ARHGAP32: variants seen among roughly 807,000 people sequenced by gnomAD.
ARHGAP32 encodes the protein Rho GTPase activating protein 32.
In ARHGAP32, 51 loss-of-function variants were observed where a neutral mutation model predicts 186.5. The observed-to-expected ratio is 0.27, with a 90% confidence interval of 0.22 to 0.35. The LOEUF (loss-of-function observed/expected upper bound fraction) is 0.35. Ranked by LOEUF, ARHGAP32 falls within the 10% of genes least tolerant of loss-of-function variation. The probability of loss-of-function intolerance (pLI) is 1.00; values close to 1 mark genes in which losing one functional copy is unlikely to be tolerated. For missense variants in ARHGAP32, 2,186 were observed against 2,623.5 expected (o/e 0.83, Z 3.64); for synonymous variants, 950 against 964.3 (o/e 0.99, Z 0.27).
intron 12 of ARHGAP32, among the ~76,000 whole-genome samples, chr11:128,991,801 C>T (rs1052227353): frequency 6.6e-6 from 1 of 152,070 alleles, no homozygotes; most frequent in African/African-American, 2.4e-5. Context: ...AAATTAAAAT[C>T]GATGATCCTT....
rs188374529 is a variant in ARHGAP32, at chr11:129,050,256, A to G, written c.964-9247T>C. ...TGTTGTTTTAACCTACATTTCTCGA[A>G]TGACTATTGATGTTGGATATCTATG... On this transcript the variant is annotated intron_variant, in intron 10 of 22. Transcript: ENST00000682385. 6.3e-3 allele frequency among the ~76,000 whole-genome samples: 961 copies of G among 152,330 alleles called. 12 individuals carry two copies. The highest frequency in any genetic ancestry group is 9.1e-3 in the Non-Finnish European group (621 of 68,026).
At chr11:129,003,505 T>G (rs1262459088) in intron 11 of ARHGAP32, among the ~76,000 whole-genome samples, 2 of 152,326 alleles carry the variant, frequency 1.3e-5, no homozygotes, top group African/African-American at 4.8e-5. Flanking sequence ...GTTAAGCCAT[T>G]GAGTCCTGGG....
At chr11:129,263,042 C>G (rs1945345481) in intron 1 of ARHGAP32, among the ~76,000 whole-genome samples, 2 of 152,072 alleles carry the variant, frequency 1.3e-5, no homozygotes. Context: ...TGGATATTCA[C>G]ACACAAAAAA....
intron 5 of ARHGAP32, among the ~76,000 whole-genome samples, chr11:129,104,030 A>T (rs1941979373): frequency 6.6e-6 from 1 of 152,122 alleles, no homozygotes; most frequent in Non-Finnish European, 1.5e-5. Context: ...ACGGTTTAAG[A>T]ATATCTTTTA....
At chr11:129,207,452 C>CT (rs1300879177) in intron 1 of ARHGAP32, among the ~76,000 whole-genome samples, 2 of 152,196 alleles carry the variant, frequency 1.3e-5, no homozygotes, top group Non-Finnish European at 2.9e-5. Context: ...GAGATGGTAT[C>CT]TCACTGTGGT....
At chr11:129,047,023 G>A (rs1299817091) in intron 10 of ARHGAP32, among the ~76,000 whole-genome samples, 1 of 151,896 alleles carries the variant, frequency 6.6e-6, no homozygotes, top group Non-Finnish European at 1.5e-5. Flanking sequence ...AGCTACTTGG[G>A]AGGCTGAGGC....
chr11:129,246,953 T>C (rs1382456798), intron 1 of ARHGAP32, among the ~76,000 whole-genome samples: 1 of 151,808 alleles, frequency 6.6e-6, no homozygotes, highest in Non-Finnish European at 1.5e-5. Flanking sequence ...GGTAGCTGAT[T>C]TCACCTTCAC....
chr11:129,091,128 T>A (rs1218405206), intron 6 of ARHGAP32, among the ~76,000 whole-genome samples: 1 of 152,126 alleles, frequency 6.6e-6, no homozygotes, highest in Non-Finnish European at 1.5e-5. Context: ...AGACCTATTA[T>A]TCAAGACATC....
intron 1 of ARHGAP32, among the ~76,000 whole-genome samples, chr11:129,189,729 G>C (rs1430581578): frequency 6.6e-6 from 1 of 152,192 alleles, no homozygotes; most frequent in Non-Finnish European, 1.5e-5. Flanking sequence ...CATAGTGAAA[G>C]AGTGTTAATA....
chr11:129,161,684 T>C (rs1306767950), intron 2 of ARHGAP32, among the ~76,000 whole-genome samples: 1 of 152,152 alleles, frequency 6.6e-6, no homozygotes, highest in Non-Finnish European at 1.5e-5. Context: ...AGGAACACTT[T>C]TACACTGTTG....
chr11:129,183,606 G>A (rs982720879), intron 1 of ARHGAP32, among the ~76,000 whole-genome samples: 2 of 151,956 alleles, frequency 1.3e-5, no homozygotes, highest in African/African-American at 2.4e-5. Flanking sequence ...CTTCTAACTA[G>A]TTATTGTTTG....
intron 6 of ARHGAP32, among the ~76,000 whole-genome samples, chr11:129,081,029 T>C (rs2072473399): frequency 6.6e-6 from 1 of 151,864 alleles, no homozygotes; most frequent in African/African-American, 2.4e-5. Context: ...TTCCTGGAAA[T>C]ATATTATACA....
rs1156750729 is a variant in ARHGAP32 at position 129,076,434 on chromosome 11, C to T, written c.532-9566G>A. On this transcript the variant is annotated intron_variant, in intron 6 of 22. Transcript: ENST00000682385. ...TGGGGTCTGGATCAGGACCTCTTTT[C>T]AGTAATGAGACCACAAGGAATTAAA... Among the ~76,000 whole-genome samples, 3 of 152,032 alleles carry T rather than the reference C, an allele frequency of 2.0e-5. No individual in the cohort carries two copies. In the East Asian group the frequency reaches 5.8e-4, roughly 29 times the overall value.
chr11:129,163,590 T>G (rs2135486228), intron 2 of ARHGAP32, among the ~76,000 whole-genome samples: 1 of 152,260 alleles, frequency 6.6e-6, no homozygotes, highest in Admixed American at 6.6e-5. Flanking sequence ...TCAGTAAAAC[T>G]ATAGCATCTA....
intron 11 of ARHGAP32, among the ~76,000 whole-genome samples, chr11:129,007,254 C>T (rs894013751): frequency 5.3e-5 from 8 of 152,016 alleles, no homozygotes; most frequent in African/African-American, 1.9e-4. Flanking sequence ...AGGTGCAAGA[C>T]AAAGTCCCCT....
intron 11 of ARHGAP32, among the ~76,000 whole-genome samples, chr11:129,014,793 G>C (rs1938249475): frequency 6.6e-6 from 1 of 152,106 alleles, no homozygotes; most frequent in Admixed American, 6.5e-5. Flanking sequence ...GATAACCACT[G>C]GGTAGAAATT....
intron 2 of ARHGAP32, among the ~76,000 whole-genome samples, chr11:129,139,101 C>T (rs377071910): frequency 2.0e-5 from 3 of 152,138 alleles, no homozygotes; most frequent in African/African-American, 4.8e-5. Context: ...AACAATGGCA[C>T]AAAAGTCGCT....
intron 11 of ARHGAP32, among the ~76,000 whole-genome samples, chr11:129,029,801 C>CAAAAAAAAA (rs34762356): frequency 1.7e-4 from 8 of 46,946 alleles, no homozygotes; most frequent in African/African-American, 5.6e-4. Flanking sequence ...GACTCCGTCT[C>CAAAAAAAAA]AAAAAAAAAA....
At chr11:129,240,103 G>A (rs981683283) in intron 1 of ARHGAP32, among the ~76,000 whole-genome samples, 39 of 151,880 alleles carry the variant, frequency 2.6e-4, no homozygotes, top group African/African-American at 7.7e-4. Flanking sequence ...GTGCAGTGGC[G>A]TGATCTCGGC....
Sources: allele counts gnomAD v4.1 joint callset (sites outside exome capture counted in the v4.1 genomes callset), GRCh38; gene constraint gnomAD v4.1.1; transcripts MANE v1.5; gene names NCBI Gene and HGNC (gene_info 2026-07-23, HGNC 2026-07-21).